The following MYT1L variants were observed in gnomAD, a reference collection of about 807,000 sequenced individuals.
MYT1L encodes the protein myelin transcription factor 1-like protein.
MYT1L carries 12 observed loss-of-function variants against 126.7 expected under a neutral mutation model. The ratio of observed to expected loss-of-function variants is 0.09; its 90% confidence interval spans 0.06 to 0.15. The LOEUF is 0.15. Among genes scored for constraint, MYT1L ranks in the 10% least tolerant of loss-of-function variants. The pLI is 1.00. For synonymous variants in MYT1L, 541 were observed against 604.2 expected, an observed-to-expected ratio of 0.90 and a Z score of 1.53; for missense variants, 979 against 1,585.2, an observed-to-expected ratio of 0.62 and a Z score of 6.49.
intron 3 of MYT1L, among the ~76,000 whole-genome samples, chr2:2,069,745 C>T (rs749184522): frequency 2.0e-5 from 3 of 151,902 alleles, no homozygotes; most frequent in African/African-American, 7.2e-5. Flanking sequence ...TATTTCCTGA[C>T]TTTTAAATGA....
chr2:1,988,917 A>G (rs1055075506), intron 5 of MYT1L, among the ~76,000 whole-genome samples: 2 of 152,228 alleles, frequency 1.3e-5, no homozygotes, highest in African/African-American at 4.8e-5. Flanking sequence ...GGGATAAGAA[A>G]CAAATGCTTG....
At chr2:2,280,530 C>T (rs752505717) in intron 2 of MYT1L, among the ~76,000 whole-genome samples, 8 of 152,176 alleles carry the variant, frequency 5.3e-5, no homozygotes, top group South Asian at 2.1e-4. Context: ...TTCTTCTATC[C>T]GCCCTTGTGC....
chr2:1,946,801 C>T (rs567120912), intron 8 of MYT1L, among the ~76,000 whole-genome samples: 1 of 152,256 alleles, frequency 6.6e-6, no homozygotes, highest in South Asian at 2.1e-4. Flanking sequence ...TCAGAGCCAG[C>T]CACACCTTCA....
intron 18 of MYT1L, among the ~76,000 whole-genome samples, chr2:1,881,050 C>A (rs530088678): frequency 1.3e-5 from 2 of 152,092 alleles, no homozygotes; most frequent in African/African-American, 4.8e-5. Context: ...CTGGCTTGTG[C>A]GTCAGTATAG....
At chr2:2,065,588 G>A (rs376188817) in intron 3 of MYT1L, among the ~76,000 whole-genome samples, 2 of 151,984 alleles carry the variant, frequency 1.3e-5, no homozygotes, top group East Asian at 3.9e-4. Context: ...ATGGTTTCCT[G>A]TAAGATTCTA....
At chr2:2,267,998 T>C (rs1308219699) in intron 2 of MYT1L, among the ~76,000 whole-genome samples, 1 of 152,234 alleles carries the variant, frequency 6.6e-6, no homozygotes, top group Non-Finnish European at 1.5e-5. Flanking sequence ...AGATTTACTC[T>C]TCTAATCAGT....
intron 3 of MYT1L, among the ~76,000 whole-genome samples, chr2:2,118,349 T>TTC (rs2080501072): frequency 6.6e-6 from 1 of 152,170 alleles, no homozygotes; most frequent in African/African-American, 2.4e-5. Flanking sequence ...GATAATCCTA[T>TTC]TCTACTTGAA....
At position 2,122,870 on chromosome 2, in the gene MYT1L, T is replaced by TGAGAGAGA. The variant is rs1437538873; in HGVS notation, c.-304+50001_-304+50002insTCTCTCTC. On this transcript the variant is annotated intron_variant, in intron 3 of 24. Transcript: ENST00000647738. ...GTGTGTGTGTGTGTGTGTGTGTGTG[T>TGAGAGAGA]GTGAGAGAGAGAGAGAGAGAGACCA... Among the ~76,000 whole-genome samples the TGAGAGAGA allele has an allele frequency of 4.5e-3, 567 of 126,446 alleles. 1 individual carries two copies. The highest frequency in any genetic ancestry group is 0.017 in the African/African-American group (539 of 32,572). 83.0% of individuals were successfully genotyped at this position (126,446 alleles called of 152,430 possible).
chr2:1,941,879 T>G (rs1430161208), intron 9 of MYT1L, among the ~76,000 whole-genome samples: 1 of 152,168 alleles, frequency 6.6e-6, no homozygotes, highest in African/African-American at 2.4e-5. Flanking sequence ...TCAGGTTTCC[T>G]AGTACAAACT....
chr2:1,916,367 T>C (rs961965771), intron 11 of MYT1L, among the ~76,000 whole-genome samples: 1 of 152,114 alleles, frequency 6.6e-6, no homozygotes, highest in Admixed American at 6.5e-5. Context: ...TGTTCCCCAC[T>C]AGAAACTGTG....
chr2:1,901,464 C>T (rs1284938195), intron 14 of MYT1L, among the ~76,000 whole-genome samples: 1 of 152,066 alleles, frequency 6.6e-6, no homozygotes, highest in African/African-American at 2.4e-5. Flanking sequence ...CAAAACAAAC[C>T]AACAGAACTA....
At chr2:2,060,075 TA>T (rs1421218621) in intron 3 of MYT1L, among the ~76,000 whole-genome samples, 2 of 152,138 alleles carry the variant, frequency 1.3e-5, no homozygotes, top group African/African-American at 4.8e-5. Context: ...AAAGACGAAC[TA>T]AACTAACAAA....
chr2:2,006,412 C>T (rs928932305), intron 4 of MYT1L, among the ~76,000 whole-genome samples: 5 of 152,160 alleles, frequency 3.3e-5, no homozygotes, highest in Non-Finnish European at 5.9e-5. Context: ...AAGCCTCCAA[C>T]ACAGTATAAT....
At chr2:2,246,848 C>A (rs1260384952) in intron 2 of MYT1L, among the ~76,000 whole-genome samples, 2 of 152,178 alleles carry the variant, frequency 1.3e-5, no homozygotes, top group Non-Finnish European at 2.9e-5. Flanking sequence ...AGTTTATGAA[C>A]ATGTTCAATG....
chr2:2,251,359 C>T (rs557114929), intron 2 of MYT1L, among the ~76,000 whole-genome samples: 1 of 152,330 alleles, frequency 6.6e-6, no homozygotes, highest in East Asian at 1.9e-4. Context: ...GCTTCACTCT[C>T]CTGCCCTTGC....
intron 3 of MYT1L, among the ~76,000 whole-genome samples, chr2:2,113,535 C>T (rs1017004584): frequency 3.3e-5 from 5 of 152,134 alleles, no homozygotes; most frequent in Admixed American, 1.3e-4. Flanking sequence ...AGGTGGGGCC[C>T]GCAGGCTTCC....
At chr2:1,921,102 T>G (rs920636450) in intron 10 of MYT1L, among the ~76,000 whole-genome samples, 1 of 152,236 alleles carries the variant, frequency 6.6e-6, no homozygotes, top group Non-Finnish European at 1.5e-5. Flanking sequence ...TGCTTGAAAT[T>G]TATACAGCAA....
At chr2:1,885,780 C>T (rs1420619187) in intron 18 of MYT1L, among the ~76,000 whole-genome samples, 1 of 152,210 alleles carries the variant, frequency 6.6e-6, no homozygotes, top group African/African-American at 2.4e-5. Context: ...CCCTCTTTCC[C>T]TGTGTGCACC....
intron 1 of MYT1L, among the ~76,000 whole-genome samples, chr2:2,308,614 C>G (rs1192048598): frequency 6.6e-6 from 1 of 151,888 alleles, no homozygotes; most frequent in East Asian, 1.9e-4. Flanking sequence ...ACCCATACTC[C>G]ACTTATACTT....
Sources: allele counts gnomAD v4.1 joint callset (sites outside exome capture counted in the v4.1 genomes callset), GRCh38; gene constraint gnomAD v4.1.1; transcripts MANE v1.5; gene names NCBI Gene and HGNC (gene_info 2026-07-23, HGNC 2026-07-21).